Variants in CADPS2 observed in about 807,000 individuals in gnomAD.
The protein encoded by CADPS2 is calcium dependent secretion activator 2.
CADPS2 carries 93 observed loss-of-function variants against 172.5 expected under a neutral mutation model. That is an observed-to-expected ratio of 0.54 (90% CI 0.46 to 0.64). CADPS2 has a LOEUF of 0.64. Among genes scored for constraint, CADPS2 ranks in the 30% least tolerant of loss-of-function variants. CADPS2 has a pLI of 0.00. For synonymous variants in CADPS2, 546 were observed against 555.2 expected (o/e 0.98, Z 0.23); for missense variants, 1,420 against 1,565.9 (o/e 0.91, Z 1.57).
At chr7:122,719,413 C>T (rs2090099282) in intron 2 of CADPS2, among the ~76,000 whole-genome samples, 1 of 152,126 alleles carries the variant, frequency 6.6e-6, no homozygotes, top group Admixed American at 6.5e-5. Flanking sequence ...TTAAAGAAGG[C>T]AGGGGGCCAA....
intron 1 of CADPS2, among the ~76,000 whole-genome samples, chr7:122,854,138 T>A (rs1814512290): frequency 6.6e-6 from 1 of 152,106 alleles, no homozygotes. Flanking sequence ...GGCGGGTGGA[T>A]AACTTGAGGC....
At chr7:122,680,968 T>G (rs1389621661) in intron 2 of CADPS2, among the ~76,000 whole-genome samples, 1 of 151,640 alleles carries the variant, frequency 6.6e-6, no homozygotes, top group Non-Finnish European at 1.5e-5. Flanking sequence ...GATGAGTTCA[T>G]GTCCTTTGTA....
At chr7:122,622,119 C>T (rs2075666587) in intron 4 of CADPS2, among the ~76,000 whole-genome samples, 1 of 152,148 alleles carries the variant, frequency 6.6e-6, no homozygotes, top group African/African-American at 2.4e-5. Context: ...CACAGCTTTC[C>T]AAGTTAGGAA....
intron 6 of CADPS2, among the ~76,000 whole-genome samples, chr7:122,589,803 G>C (rs1020295149): frequency 7.9e-5 from 12 of 151,812 alleles, no homozygotes; most frequent in African/African-American, 2.7e-4. Flanking sequence ...CACTAATAAT[G>C]ATAGTAGGGA....
intron 1 of CADPS2, among the ~76,000 whole-genome samples, chr7:122,759,164 C>A (rs376580642): frequency 1.3e-5 from 2 of 152,092 alleles, no homozygotes; most frequent in Non-Finnish European, 2.9e-5. Flanking sequence ...GCAGCCATTG[C>A]CAAAATACTG....
intron 20 of CADPS2, among the ~76,000 whole-genome samples, chr7:122,406,378 C>T (rs750982402): frequency 2.6e-5 from 4 of 152,124 alleles, no homozygotes; most frequent in African/African-American, 4.8e-5. Context: ...ACATATAAAA[C>T]GTTCTAAATA....
At chr7:122,473,122 T>G (rs1210273278) in intron 13 of CADPS2, among the ~76,000 whole-genome samples, 1 of 152,160 alleles carries the variant, frequency 6.6e-6, no homozygotes, top group South Asian at 2.1e-4. Flanking sequence ...CTATACATTG[T>G]GAATTATAAA....
At chr7:122,690,357 C>T (rs1222200861) in intron 2 of CADPS2, among the ~76,000 whole-genome samples, 1 of 152,198 alleles carries the variant, frequency 6.6e-6, no homozygotes, top group African/African-American at 2.4e-5. Flanking sequence ...TGATAGTCCA[C>T]ACAGACAGTA....
chr7:122,457,505 A>G (rs777065221), intron 14 of CADPS2, among the ~76,000 whole-genome samples: 7 of 152,212 alleles, frequency 4.6e-5, no homozygotes, highest in East Asian at 1.9e-4. Flanking sequence ...GGGATGCCCA[A>G]ATATTTTGTA....
chr7:122,678,735 C>G lies in CADPS2; in HGVS notation c.454-15166G>C, dbSNP rs568885861. Among the ~76,000 whole-genome samples, 3 of 152,242 alleles carry G rather than the reference C, an allele frequency of 2.0e-5. No homozygotes were observed. In the South Asian group the frequency reaches 6.2e-4, roughly 32 times the overall value. On this transcript the variant is annotated intron_variant, in intron 2 of 29. Transcript: ENST00000449022. ...AGTGATGTTATCTATAGGAGCAATT[C>G]AGGGAAGTCACAAATCTTGTGACCT...
chr7:122,413,540 A>G (rs1421544555), intron 19 of CADPS2, among the ~76,000 whole-genome samples: 1 of 152,214 alleles, frequency 6.6e-6, no homozygotes, highest in Non-Finnish European at 1.5e-5. Context: ...AATGAAAATA[A>G]AAGGAGCTGA....
intron 20 of CADPS2, among the ~76,000 whole-genome samples, chr7:122,404,352 C>T (rs1047696633): frequency 2.0e-5 from 3 of 152,144 alleles, no homozygotes; most frequent in Non-Finnish European, 4.4e-5. Context: ...CATAGTATTC[C>T]ATGGTGTATA....
In CADPS2 at chr7:122,634,529, G is replaced by A. The variant is rs141322503; in HGVS notation, c.787-5201C>T. On this transcript the variant is annotated intron_variant, in intron 3 of 29. Transcript: ENST00000449022. ...TGAGATATTCTGTAAATCCATCTTT[G>A]TCATTTCTGGTTACACTTGTACGTA... Among the ~76,000 whole-genome samples the A allele has an allele frequency of 1.5e-3, 228 of 152,094 alleles. 1 individual carries two copies. Among genetic ancestry groups the A allele is most frequent in the Admixed American group, 4.5e-3 (68 of 15,250 alleles).
At chr7:122,325,009 T>G (rs2033519741) in intron 29 of CADPS2, among the ~76,000 whole-genome samples, 2 of 152,104 alleles carry the variant, frequency 1.3e-5, no homozygotes, top group South Asian at 4.1e-4. Flanking sequence ...ATAAGAGGCA[T>G]GCTTCCAAAA....
At chr7:122,469,190 C>T (rs1242671368) in intron 14 of CADPS2, among the ~76,000 whole-genome samples, 7 of 152,162 alleles carry the variant, frequency 4.6e-5, no homozygotes, top group African/African-American at 1.4e-4. Flanking sequence ...TCCTTGTTGC[C>T]TCAGTAACTT....
chr7:122,714,253 G>A (rs2089246870), intron 2 of CADPS2, among the ~76,000 whole-genome samples: 1 of 151,988 alleles, frequency 6.6e-6, no homozygotes, highest in Non-Finnish European at 1.5e-5. Context: ...CATAAAAATC[G>A]AGAAGCAAAA....
At chr7:122,743,913 T>C (rs1451750897) in intron 1 of CADPS2, among the ~76,000 whole-genome samples, 1 of 152,198 alleles carries the variant, frequency 6.6e-6, no homozygotes, top group African/African-American at 2.4e-5. Flanking sequence ...CTACGTCTCA[T>C]ACATTATAAA....
At chr7:122,645,075 T>C (rs976029056) in intron 3 of CADPS2, among the ~76,000 whole-genome samples, 2 of 151,788 alleles carry the variant, frequency 1.3e-5, no homozygotes, top group African/African-American at 2.4e-5. Flanking sequence ...AACTAAACTA[T>C]ATTAAATAAT....
chr7:122,553,110 T>C (rs1228112073), intron 8 of CADPS2, among the ~76,000 whole-genome samples: 1 of 152,150 alleles, frequency 6.6e-6, no homozygotes, highest in African/African-American at 2.4e-5. Context: ...CCTGTGAGAC[T>C]TTCATTCACT....
Sources: allele counts gnomAD v4.1 joint callset (sites outside exome capture counted in the v4.1 genomes callset), GRCh38; gene constraint gnomAD v4.1.1; transcripts MANE v1.5; gene names NCBI Gene and HGNC (gene_info 2026-07-23, HGNC 2026-07-21).